The following SMYD3 variants were observed in gnomAD, a reference collection of about 807,000 sequenced individuals.
SMYD3 encodes histone-lysine N-methyltransferase SMYD3.
A neutral mutation model predicts 57.7 loss-of-function variants in SMYD3; 36 were observed. That is an observed-to-expected ratio of 0.62 (90% confidence interval 0.48 to 0.82). SMYD3 has a LOEUF of 0.82. Among genes scored for constraint, SMYD3 ranks in the 40% least tolerant of loss-of-function variants. The pLI, the probability that SMYD3 is intolerant of heterozygous loss-of-function variation, is 0.00. For missense variants in SMYD3, 515 were observed against 538.8 expected, an observed-to-expected ratio of 0.96 and a Z score of 0.44; for synonymous variants, 211 against 195.0, an observed-to-expected ratio of 1.08 and a Z score of -0.68.
At chr1:246,084,352 A>G (rs1166725729) in intron 5 of SMYD3, among the ~76,000 whole-genome samples, 1 of 152,030 alleles carries the variant, frequency 6.6e-6, no homozygotes, top group East Asian at 1.9e-4. Flanking sequence ...AGTAGCTGGG[A>G]CTACAGGCAT....
intron 1 of SMYD3, among the ~76,000 whole-genome samples, chr1:246,373,100 G>A (rs1435375729): frequency 6.6e-6 from 1 of 151,682 alleles, no homozygotes; most frequent in Non-Finnish European, 1.5e-5. Context: ...TTTTTTCAAT[G>A]TATTAAAAAA....
intron 10 of SMYD3, among the ~76,000 whole-genome samples, chr1:245,795,967 T>C (rs2047504655): frequency 6.6e-6 from 1 of 152,220 alleles, no homozygotes; most frequent in African/African-American, 2.4e-5. Flanking sequence ...TGTTTATTAA[T>C]TGGATCCAGT....
At chr1:245,800,736 T>C (rs2047818251) in intron 10 of SMYD3, among the ~76,000 whole-genome samples, 3 of 152,162 alleles carry the variant, frequency 2.0e-5, no homozygotes, top group Admixed American at 2.0e-4. Flanking sequence ...AAGCAAGTAG[T>C]GGACATCCCA....
At chr1:245,844,262 A>G (rs992502467) in intron 10 of SMYD3, among the ~76,000 whole-genome samples, 2 of 152,176 alleles carry the variant, frequency 1.3e-5, no homozygotes, top group Admixed American at 1.3e-4. Flanking sequence ...TCTTCTCATG[A>G]TGGTCATCCT....
intron 10 of SMYD3, among the ~76,000 whole-genome samples, chr1:245,838,073 G>A (rs10754476): frequency 0.42 from 64,224 of 151,908 alleles, 15,838 homozygotes; most frequent in East Asian, 0.85. Flanking sequence ...TTATTTTAAG[G>A]CCATGAAACA....
At chr1:246,176,098 T>A (rs1426800204) in intron 5 of SMYD3, among the ~76,000 whole-genome samples, 1 of 152,238 alleles carries the variant, frequency 6.6e-6, no homozygotes, top group African/African-American at 2.4e-5. Flanking sequence ...GATAATTTTT[T>A]ATTTCGTTCC....
At chr1:245,793,134 C>G (rs1180817922) in intron 10 of SMYD3, among the ~76,000 whole-genome samples, 2 of 146,874 alleles carry the variant, frequency 1.4e-5, no homozygotes, top group East Asian at 4.0e-4. Flanking sequence ...ACGGTGAAAC[C>G]CCGTCTCTAC....
intron 5 of SMYD3, among the ~76,000 whole-genome samples, chr1:246,061,013 G>A (rs1392207932): frequency 6.6e-6 from 1 of 151,726 alleles, no homozygotes; most frequent in Non-Finnish European, 1.5e-5. Flanking sequence ...GGATCATGAG[G>A]TCAGGGGTTT....
At chr1:245,913,395 G>A (rs981227429) in intron 8 of SMYD3, among the ~76,000 whole-genome samples, 9 of 151,572 alleles carry the variant, frequency 5.9e-5, no homozygotes, top group Non-Finnish European at 8.8e-5. Context: ...ATAGCATTAG[G>A]AGATATACCT....
intron 1 of SMYD3, among the ~76,000 whole-genome samples, chr1:246,423,267 AG>A (rs1275643086): frequency 6.6e-6 from 1 of 150,982 alleles, no homozygotes; most frequent in Admixed American, 6.7e-5. Flanking sequence ...ACTGCACTCC[AG>A]CCTGGGCAAT....
intron 5 of SMYD3, among the ~76,000 whole-genome samples, chr1:246,159,003 G>T (rs2062069935): frequency 6.6e-6 from 1 of 151,966 alleles, no homozygotes; most frequent in Admixed American, 6.6e-5. Flanking sequence ...ATGATGTGGC[G>T]ACAATAAAAC....
chr1:246,371,933 T>C (rs2066199684), intron 1 of SMYD3, among the ~76,000 whole-genome samples: 1 of 151,848 alleles, frequency 6.6e-6, no homozygotes, highest in Admixed American at 6.6e-5. Flanking sequence ...TGTATAATAC[T>C]TTGTTTAACT....
At chr1:246,049,003 G>A (rs1320499616) in intron 5 of SMYD3, among the ~76,000 whole-genome samples, 1 of 152,116 alleles carries the variant, frequency 6.6e-6, no homozygotes, top group Non-Finnish European at 1.5e-5. Flanking sequence ...TACGACGAGA[G>A]GATTTGGCTA....
At chr1:246,044,782 A>G (rs1171204156) in intron 5 of SMYD3, among the ~76,000 whole-genome samples, 1 of 152,216 alleles carries the variant, frequency 6.6e-6, no homozygotes, top group Non-Finnish European at 1.5e-5. Flanking sequence ...ATTCAGCAAA[A>G]TTCAATAGCA....
At chr1:246,028,343 C>G (rs1320861644) in intron 5 of SMYD3, among the ~76,000 whole-genome samples, 1 of 152,128 alleles carries the variant, frequency 6.6e-6, no homozygotes. Context: ...ACAGAAAAAT[C>G]TAAAGACTCC....
At chr1:246,184,810 T>C (rs1018004764) in intron 5 of SMYD3, among the ~76,000 whole-genome samples, 1 of 152,130 alleles carries the variant, frequency 6.6e-6, no homozygotes, top group Admixed American at 6.5e-5. Flanking sequence ...AGAAACCTAG[T>C]GGGCCAGAAC....
chr1:246,363,625 C>A (rs1021104309), intron 1 of SMYD3, among the ~76,000 whole-genome samples: 11 of 152,160 alleles, frequency 7.2e-5, no homozygotes, highest in African/African-American at 2.7e-4. Context: ...CCTTACCCCC[C>A]AACCCTGTGC....
chr1:245,841,049 C>G (rs976802634), intron 10 of SMYD3, among the ~76,000 whole-genome samples: 2 of 152,224 alleles, frequency 1.3e-5, no homozygotes, highest in African/African-American at 2.4e-5. Flanking sequence ...GTCCCTTTTA[C>G]AGATTCAAAA....
chr1:246,029,661 G>A (rs563976348), intron 5 of SMYD3, among the ~76,000 whole-genome samples: 1 of 133,840 alleles, frequency 7.5e-6, no homozygotes. Flanking sequence ...GACAGAGTGA[G>A]ACTCTGTCTC....
Sources: gnomAD v4.1 joint callset for allele counts (sites outside exome capture counted in the v4.1 genomes callset) on GRCh38, gnomAD v4.1.1 for gene constraint, MANE v1.5 for transcripts, NCBI Gene and HGNC (gene_info 2026-07-23, HGNC 2026-07-21) for gene names.